Variants in CIITA observed in about 807,000 individuals in gnomAD.
CIITA encodes the protein MHC class II transactivator.
Under a neutral mutation model 115.1 loss-of-function variants are expected in CIITA, and 72 were observed. The ratio of observed to expected loss-of-function variants is 0.63; its 90% confidence interval spans 0.52 to 0.76. CIITA has a LOEUF of 0.76. Among genes scored for constraint, CIITA ranks in the 30% least tolerant of loss-of-function variants. The probability of loss-of-function intolerance (pLI) is 0.00; values close to 1 mark genes in which losing one functional copy is unlikely to be tolerated. For missense variants in CIITA, 1,617 were observed against 1,463.8 expected (o/e 1.10, Z -1.71); for synonymous variants, 763 against 635.6 (o/e 1.20, Z -3.02).
At chr16:10,899,037 G>A (rs2038434895) in intron 5 of CIITA, 35 bp downstream of exon 5, 2 of 1,603,460 alleles carry the variant, frequency 1.2e-6, no homozygotes. Flanking sequence ...ACCTAGCCTT[G>A]CTTGAGACCT....
In CIITA at chr16:10,935,610, A is replaced by T. The variant is rs1272586408; in HGVS notation, c.*11755A>T. On this transcript the variant is annotated 3_prime_UTR_variant, in exon 20 of 20. Coordinates refer to ENST00000324288, the MANE Select transcript of CIITA (RefSeq NM_000246.4). ...GCAAATTATAAAGGGAATAATAGTA[A>T]CTTGACAGTGGAGAGACCTGGCAGA... is the stretch of plus-strand genomic sequence containing the variant. 1 of 152,248 alleles carries T rather than the reference A, an allele frequency of 6.6e-6. No homozygotes were observed. The highest frequency in any genetic ancestry group is 1.9e-4 in the East Asian group (1 of 5,200). The allele number at this position is 152,248 out of a possible 1,614,324, so 9.4% of individuals were successfully genotyped here. A position where few individuals can be genotyped will look rare whatever the true frequency, so the allele number is the denominator to read the frequency against.
At chr16:10,919,280 GCC>G (rs143739440) in intron 16 of CIITA, among the ~76,000 whole-genome samples, 1 of 151,946 alleles carries the variant, frequency 6.6e-6, no homozygotes, top group Non-Finnish European at 1.5e-5. Flanking sequence ...TGCAACTTCT[GCC>G]CCCCCCCAGG....
intron 1 of CIITA, among the ~76,000 whole-genome samples, chr16:10,893,171 C>T (rs551555343): frequency 6.6e-6 from 1 of 152,246 alleles, no homozygotes; most frequent in Admixed American, 6.5e-5. Context: ...CTCGAGCCTC[C>T]AGAGGCAGCG....
Position 10,907,532 on chromosome 16 carries a change from C to G in CIITA, c.2040C>G (p.Phe680Leu), listed in dbSNP as rs748246018. ...AAAGTACCCTACAGGAGGACCAGTT[C>G]CCATCCGCAGACGTGAGGACCTGGG... ...RHQSTLQEDQ[F>L]PSADVRTWAM... is the part of the protein sequence containing the mutation. The change falls in exon 11 of 20, where the codon TTC becomes TTG. Residue 680 changes from phenylalanine (F) to leucine (L), a missense_variant. Physicochemically the swap from Phe to Leu is conservative, Grantham distance 22. Coordinates refer to ENST00000324288, the MANE Select transcript of CIITA (RefSeq NM_000246.4). This position sits in a 1 kb window ranked among gnomAD's most constrained non-coding sequence, Gnocchi z 5.0. The G allele has an allele frequency of 1.2e-6, 2 of 1,614,158 alleles. No individual in the cohort carries two copies. Among genetic ancestry groups the G allele is most frequent in the Non-Finnish European group, 1.7e-6 (2 of 1,180,040 alleles).
chr16:10,923,609 G>C lies in CIITA; in HGVS notation c.*23-269G>C, dbSNP rs930800730. ...AGTGCTTGGAAGAGCTTCCTTTGGG[G>C]ACTCCAAGCCTTCCCAGCTGCTGTT... On this transcript the variant is annotated intron_variant, in intron 19 of 19. Transcript: ENST00000324288. This position sits in a 1 kb window ranked among gnomAD's most constrained non-coding sequence, Gnocchi z 5.2. Among the ~76,000 whole-genome samples the C allele has an allele frequency of 1.3e-5, 2 of 152,150 alleles. No homozygotes were observed. The highest frequency in any genetic ancestry group is 2.4e-5 in the African/African-American group (1 of 41,434).
intron 1 of CIITA, among the ~76,000 whole-genome samples, chr16:10,892,359 T>C (rs1300600659): frequency 2.0e-5 from 3 of 151,460 alleles, no homozygotes; most frequent in Non-Finnish European, 4.4e-5. Flanking sequence ...GTCTCAGGAA[T>C]GGGGTGGCAA....
chr16:10,880,336 A>G (rs950620338), intron 1 of CIITA, among the ~76,000 whole-genome samples: 15 of 152,154 alleles, frequency 9.9e-5, no homozygotes, highest in African/African-American at 2.2e-4. Context: ...AGGTTAAACC[A>G]TCTATCCCAG....
chr16:10,893,668 G>C (rs998522428), intron 1 of CIITA, among the ~76,000 whole-genome samples: 1 of 151,832 alleles, frequency 6.6e-6, no homozygotes, highest in Admixed American at 6.6e-5. Flanking sequence ...AATTAGCCGG[G>C]TGTGGTGGTG....
intron 1 of CIITA, among the ~76,000 whole-genome samples, chr16:10,886,041 A>G (rs890494547): frequency 7.1e-6 from 1 of 140,278 alleles, no homozygotes; most frequent in Non-Finnish European, 1.5e-5. Flanking sequence ...ATGTGCTCTT[A>G]TAAAACATGT....
chr16:10,878,987 G>A (rs928667573), intron 1 of CIITA: 2 of 221,596 alleles, frequency 9.0e-6, no homozygotes, highest in Admixed American at 5.8e-5. Context: ...CGCGGCCCCA[G>A]AGCTGGCGGG....
At chr16:10,868,715 T>G (rs1457965173) in intron 1 of CIITA, among the ~76,000 whole-genome samples, 2 of 152,132 alleles carry the variant, frequency 1.3e-5, no homozygotes, top group Admixed American at 1.3e-4. Flanking sequence ...TGCCGGACAC[T>G]TCAGCCCCTC....
intron 16 of CIITA, among the ~76,000 whole-genome samples, chr16:10,919,519 T>TTTATTTATTTAC (rs2040157750): frequency 6.6e-6 from 1 of 151,796 alleles, no homozygotes; most frequent in Non-Finnish European, 1.5e-5. Context: ...TATTTATTTA[T>TTTATTTATTTAC]TTATTTATTT....
At chr16:10,885,293 C>G (rs1017394831) in intron 1 of CIITA, among the ~76,000 whole-genome samples, 1 of 152,196 alleles carries the variant, frequency 6.6e-6, no homozygotes, top group Non-Finnish European at 1.5e-5. Flanking sequence ...CAGACCTCTC[C>G]TGACACGAAG....
downstream of CIITA, chr16:10,937,783 G>A (rs1457578577): frequency 3.9e-5 from 6 of 152,206 alleles, no homozygotes; most frequent in Non-Finnish European, 8.8e-5. The surrounding 1 kb of genome is among the most constrained non-coding windows in gnomAD (Gnocchi z 4.2). Context: ...GGGAGCTCCC[G>A]ATTCCCCATT....
downstream of CIITA, chr16:10,940,306 A>C (rs907004389): frequency 2.0e-5 from 3 of 152,230 alleles, no homozygotes; most frequent in Non-Finnish European, 4.4e-5. The surrounding 1 kb of genome is among the most constrained non-coding windows in gnomAD (Gnocchi z 4.2). Context: ...ATGCCCTTAT[A>C]AGAACAGTAA....
At position 10,909,048 on chromosome 16, in the gene CIITA, G is replaced by C; in HGVS notation, c.2677G>C (p.Val893Leu). ...TRFRAALSDT[V>L]ALWESLQQHG... The stretch of plus-strand genomic sequence containing the variant: ...CCACAGGGCTGCCTTGAGCGACACG[G>C]TGGCGCTGTGGGAGTCCCTGCAGCA... The change falls in exon 12 of 20, where the codon GTG becomes CTG. Residue 893 changes from valine to leucine, a missense_variant. Val to Leu is a conservative substitution (Grantham distance 32). Transcript: ENST00000324288. 4 of 1,614,208 alleles carry C rather than the reference G, an allele frequency of 2.5e-6. No individual in the cohort carries two copies. Among genetic ancestry groups the C allele is most frequent in the Non-Finnish European group, 3.4e-6 (4 of 1,180,032 alleles).
chr16:10,887,020 T>G (rs2037019611), intron 1 of CIITA, among the ~76,000 whole-genome samples: 2 of 152,204 alleles, frequency 1.3e-5, no homozygotes, highest in Admixed American at 6.5e-5. Context: ...AGTGAATCAT[T>G]GTTTTACAGC....
At chr16:10,884,072 G>A (rs922973036) in intron 1 of CIITA, among the ~76,000 whole-genome samples, 1 of 138,738 alleles carries the variant, frequency 7.2e-6, no homozygotes, top group Non-Finnish European at 1.5e-5. Context: ...TGTGGGTTTG[G>A]ACAGATACAT....
At chr16:10,868,577 C>T (rs2035254745) in intron 1 of CIITA, among the ~76,000 whole-genome samples, 1 of 152,182 alleles carries the variant, frequency 6.6e-6, no homozygotes, top group Non-Finnish European at 1.5e-5. Flanking sequence ...TCTCCCTTGG[C>T]TTCTCAACAG....
Sources: allele counts gnomAD v4.1 joint callset (sites outside exome capture counted in the v4.1 genomes callset), GRCh38; gene constraint gnomAD v4.1.1; non-coding constraint Gnocchi (gnomAD v3.1); transcripts MANE v1.5; gene names NCBI Gene and HGNC (gene_info 2026-07-23, HGNC 2026-07-21).